SULT1A1: variants seen among roughly 807,000 people sequenced by gnomAD.
The protein encoded by SULT1A1 is sulfotransferase 1A1.
Under a neutral mutation model 36.8 loss-of-function variants are expected in SULT1A1, and 35 were observed. The observed-to-expected ratio is 0.95, with a 90% confidence interval of 0.73 to 1.26. The LOEUF is 1.26. Among genes scored for constraint, SULT1A1 ranks in the 50% most tolerant of loss-of-function variants. The pLI is 0.00. For missense variants in SULT1A1, 309 were observed against 383.0 expected (o/e 0.81, Z 1.61); for synonymous variants, 119 against 146.0 (o/e 0.82, Z 1.33).
rs535829408 is a variant in SULT1A1 at position 28,619,594 on chromosome 16, C to T, written c.138+469G>A. Among the ~76,000 whole-genome samples the T allele has an allele frequency of 9.9e-5, 15 of 152,100 alleles. No homozygotes were observed. The East Asian group carries it at 2.7e-3, about 27-fold the overall frequency. ...AATTAGCTGGGTGTGGTGGCACATG[C>T]CTGTAGTCTCAGCTACTCAGAAGGA... On this transcript the variant is annotated intron_variant, in intron 2 of 5. Transcript: ENST00000350842.
intron 1 of SULT1A1, 183 bp from the exon 2 acceptor site, chr16:28,609,042 C>T: frequency 1.3e-6 from 2 of 1,487,108 alleles, no homozygotes; most frequent in Non-Finnish European, 1.8e-6. Flanking sequence ...TGCGGTGGTT[C>T]CCCAGCCTGG....
chr16:28,609,303 G>A lies in SULT1A1; in HGVS notation c.-4-444C>T, dbSNP rs978443526. The A allele has an allele frequency of 5.5e-6, 7 of 1,264,956 alleles. 1 individual carries two copies. Among genetic ancestry groups the A allele is most frequent in the South Asian group, 3.9e-5 (3 of 76,144 alleles). The allele number at this position is 1,264,956 out of a possible 1,614,324, so 78.4% of individuals were successfully genotyped here. A position where few individuals can be genotyped will look rare whatever the true frequency, so the allele number is the denominator to read the frequency against. On this transcript the variant is annotated intron_variant, in intron 1 of 7. Coordinates refer to ENST00000314752, the MANE Select transcript of SULT1A1 (RefSeq NM_001055.4). ...CCAGTGGAGATGCTCCCCTCCTTGA[G>A]CCCCTCAGCCCCTCACATGTGGAAA... is the stretch of plus-strand genomic sequence containing the variant.
exon 1 of SULT1A1, chr16:28,623,171 C>A (rs1567321039): frequency 6.4e-7 from 1 of 1,551,300 alleles, no homozygotes; most frequent in Non-Finnish European, 8.7e-7. Context: ...CACCGACCAC[C>A]TGGTCGCACA....
At chr16:28,618,622 G>A (rs925430981) in intron 2 of SULT1A1, among the ~76,000 whole-genome samples, 15 of 152,132 alleles carry the variant, frequency 9.9e-5, no homozygotes, top group African/African-American at 3.6e-4. Context: ...GGGATTACAG[G>A]CGTGAGCCAC....
Position 28,606,249 on chromosome 16 carries a change from G to A in SULT1A1, c.595-13C>T, listed in dbSNP as rs1567303723. On this transcript the variant is annotated splice_polypyrimidine_tract_variant and intron_variant, in intron 6 of 7. Transcript: ENST00000314752. ...CCCTTTTCGGGTTCTGAGCAGCAGA[G>A]GGCCCCTCAGTGGAGGCTCGGATTA... 6.2e-7 allele frequency: 1 copy of A among 1,610,958 alleles called. No individual in the cohort carries two copies. Among genetic ancestry groups the A allele is most frequent in the Admixed American group, 1.7e-5 (1 of 59,588 alleles).
chr16:28,618,127 C>T (rs1460047032), intron 2 of SULT1A1, among the ~76,000 whole-genome samples: 1 of 150,572 alleles, frequency 6.6e-6, no homozygotes, highest in Non-Finnish European at 1.5e-5. Context: ...GCAGCCTTGA[C>T]CTCCCAGGCT....
chr16:28,608,215 A>G (rs2047295031), intron 4 of SULT1A1, 76 bp downstream of exon 4: 1 of 1,581,212 alleles, frequency 6.3e-7, no homozygotes, highest in Non-Finnish European at 8.6e-7. Context: ...TCAAACTCCC[A>G]ACCTCAGGTG....
intron 1 of SULT1A1, chr16:28,609,669 A>C (rs2047371373): frequency 2.8e-5 from 11 of 391,806 alleles, no homozygotes; most frequent in South Asian, 2.4e-4. Context: ...GAGGCAAGAG[A>C]ATCACTTGAG....
intron 4 of SULT1A1, chr16:28,607,431 G>C (rs905635612): frequency 1.6e-5 from 4 of 248,280 alleles, no homozygotes; most frequent in African/African-American, 8.6e-5. Flanking sequence ...TTACGTTCTT[G>C]GTCATCAGAG....
intron 1 of SULT1A1, chr16:28,609,642 T>C (rs2047370168): frequency 3.1e-5 from 12 of 385,108 alleles, no homozygotes; most frequent in South Asian, 2.6e-4. Context: ...CCTGTAGTCC[T>C]AGCTACTCCA....
chr16:28,621,212 G>C (rs1028787669), intron 1 of SULT1A1, among the ~76,000 whole-genome samples: 25 of 150,954 alleles, frequency 1.7e-4, no homozygotes, highest in African/African-American at 6.1e-4. Context: ...TCAGGTGCGA[G>C]GGCTCACGTC....
intron 1 of SULT1A1, chr16:28,622,983 T>C: frequency 9.0e-7 from 1 of 1,112,594 alleles, no homozygotes; most frequent in South Asian, 1.6e-5. Context: ...TTCAGGCCTC[T>C]GAAGCAGCTC....
chr16:28,618,883 A>G (rs2151721636), intron 2 of SULT1A1, among the ~76,000 whole-genome samples: 1 of 152,368 alleles, frequency 6.6e-6, no homozygotes, highest in South Asian at 2.1e-4. Context: ...TGCAAATAGA[A>G]TCCCAAATTT....
chr16:28,621,513 A>AAGAAGT (rs1242722471), intron 1 of SULT1A1, among the ~76,000 whole-genome samples: 2 of 145,852 alleles, frequency 1.4e-5, no homozygotes, highest in Admixed American at 1.4e-4. Context: ...AAAAAAGAAG[A>AAGAAGT]AGAAGAAGAA....
chr16:28,606,654 C>A lies in SULT1A1; in HGVS notation c.594+107G>T. The A allele has an allele frequency of 2.6e-6, 4 of 1,518,452 alleles. No individual in the cohort carries two copies. In the East Asian group the frequency reaches 9.2e-5, roughly 35 times the overall value. 94.1% of individuals were successfully genotyped at this position (1,518,452 alleles called of 1,614,324 possible). A position where few individuals can be genotyped will look rare whatever the true frequency, so the allele number is the denominator to read the frequency against. Reference sequence around the variant, plus strand: ...AAGAAGGCAGGATGGGGAATCTGGTCCTGCTGTGGGGGCTGCCCAGGGAGG... The same window carrying A: ...AAGAAGGCAGGATGGGGAATCTGGTACTGCTGTGGGGGCTGCCCAGGGAGG... On this transcript the variant is annotated intron_variant, in intron 6 of 7. Coordinates refer to ENST00000314752, the MANE Select transcript of SULT1A1 (RefSeq NM_001055.4).
chr16:28,610,873 T>C (rs112152318), upstream of SULT1A1: 2 of 152,228 alleles, frequency 1.3e-5, no homozygotes, highest in Non-Finnish European at 2.9e-5. Flanking sequence ...GGTCAAGCTG[T>C]GCACGAGACA....
intron 2 of SULT1A1, among the ~76,000 whole-genome samples, chr16:28,619,175 G>T (rs7191637): frequency 2.6e-5 from 4 of 152,086 alleles, no homozygotes; most frequent in Non-Finnish European, 5.9e-5. Flanking sequence ...ACCGTGCCCA[G>T]CTAATTTTTG....
At chr16:28,615,776 G>C (rs1275945690) in intron 2 of SULT1A1, among the ~76,000 whole-genome samples, 1 of 152,228 alleles carries the variant, frequency 6.6e-6, no homozygotes. Context: ...CCAATGATAG[G>C]TAAGGTCACG....
Position 28,607,058 on chromosome 16 carries a change from T to C in SULT1A1, c.392A>G (p.Asn131Ser), listed in dbSNP as rs780201783. 3 of 1,612,464 alleles carry C rather than the reference T, an allele frequency of 1.9e-6. No individual in the cohort carries two copies. The highest frequency in any genetic ancestry group is 2.2e-5 in the South Asian group (2 of 91,030). ...QKVKVVYVAR[N>S]AKDVAVSYYH... Reference sequence around the variant, plus strand: ...GTAGGAAACTGCCACATCCTTTGCGTTGCGGGCAACATAGACCACCTGCAG... The same window carrying C: ...GTAGGAAACTGCCACATCCTTTGCGCTGCGGGCAACATAGACCACCTGCAG... Residue 131 changes from asparagine (N) to serine (S), a missense_variant, in exon 5 of 8, where the codon AAC becomes AGC. Around this residue, in one of 3 missense-constraint regions of SULT1A1, gnomAD observed 219 missense variants for 215.3 expected, o/e 1.02. Transcript: ENST00000314752.
Sources: allele counts gnomAD v4.1 joint callset (sites outside exome capture counted in the v4.1 genomes callset), GRCh38; gene constraint gnomAD v4.1.1; regional missense constraint gnomAD v4.1.1; transcripts MANE v1.5; gene names NCBI Gene and HGNC (gene_info 2026-07-23, HGNC 2026-07-21).